The following POU6F2 variants were observed in gnomAD, a reference collection of about 807,000 sequenced individuals.
POU6F2 encodes the protein POU class 6 homeobox 2, also known as POU domain, class 6, transcription factor 2.
Under a neutral mutation model 71.3 loss-of-function variants are expected in POU6F2, and 31 were observed. The observed-to-expected ratio is 0.43, with a 90% confidence interval of 0.33 to 0.59. POU6F2 has a LOEUF of 0.59. POU6F2 is among the 20% of genes least tolerant of loss of function. The pLI, the probability that POU6F2 is intolerant of heterozygous loss-of-function variation, is 0.04. For synonymous variants in POU6F2, 347 were observed against 355.7 expected (o/e 0.98, Z 0.27); for missense variants, 783 against 856.8 (o/e 0.91, Z 1.07).
intron 2 of POU6F2, among the ~76,000 whole-genome samples, chr7:39,092,647 G>A (rs1043564463): frequency 3.3e-5 from 5 of 152,040 alleles, no homozygotes; most frequent in Admixed American, 2.6e-4. Flanking sequence ...TGATGAAGTC[G>A]ATTATTAAAC....
chr7:39,161,592 G>A (rs144165788), intron 2 of POU6F2, among the ~76,000 whole-genome samples: 1 of 152,166 alleles, frequency 6.6e-6, no homozygotes, highest in Non-Finnish European at 1.5e-5. Context: ...AGCTGACTTC[G>A]GAACGGCCCA....
At chr7:39,387,468 ACT>A (rs1459815220) in intron 5 of POU6F2, among the ~76,000 whole-genome samples, 6 of 152,252 alleles carry the variant, frequency 3.9e-5, no homozygotes, top group African/African-American at 1.4e-4. Flanking sequence ...GATTGAATGT[ACT>A]CTCTACAGTT....
chr7:39,452,963 G>A (rs1788697191), intron 8 of POU6F2, among the ~76,000 whole-genome samples: 1 of 152,146 alleles, frequency 6.6e-6, no homozygotes, highest in African/African-American at 2.4e-5. Context: ...GTGGTGGCAT[G>A]TGCCTGTAAT....
chr7:39,337,924 T>G (rs1785814130), intron 4 of POU6F2, among the ~76,000 whole-genome samples: 1 of 152,202 alleles, frequency 6.6e-6, no homozygotes, highest in South Asian at 2.1e-4. Context: ...CAAGGCTCAT[T>G]AGTAGGTTAG....
intron 4 of POU6F2, among the ~76,000 whole-genome samples, chr7:39,312,237 A>G (rs1374355397): frequency 6.6e-6 from 1 of 152,230 alleles, no homozygotes; most frequent in Non-Finnish European, 1.5e-5. Context: ...CAGCATGACA[A>G]AATAAGTTCT....
chr7:39,399,534 T>C (rs1221235952), intron 5 of POU6F2, among the ~76,000 whole-genome samples: 1 of 152,278 alleles, frequency 6.6e-6, no homozygotes, highest in East Asian at 1.9e-4. Context: ...AGGATACAAA[T>C]GAGTGATCAA....
At chr7:39,418,118 A>C (rs1001441216) in intron 6 of POU6F2, among the ~76,000 whole-genome samples, 1 of 152,216 alleles carries the variant, frequency 6.6e-6, no homozygotes, top group African/African-American at 2.4e-5. Context: ...ATTCAAACTC[A>C]GTTATGTCTA....
intron 1 of POU6F2, among the ~76,000 whole-genome samples, chr7:39,055,419 T>G (rs1290585068): frequency 1.3e-5 from 2 of 152,162 alleles, no homozygotes; most frequent in Non-Finnish European, 2.9e-5. Context: ...CTGCCAGACT[T>G]GATCTTATAA....
At position 39,085,964 on chromosome 7, in the gene POU6F2, G is replaced by A. The variant is rs1791234056; in HGVS notation, c.210G>A (p.Glu70=). ...GEDKAATSDS[E]LNEPLLAPVE... is the part of the protein sequence containing the mutation. ...ACAAGGCTGCTACTTCAGACAGCGA[G>A]CTGAATGAGCCCCTGCTTGCGCCTG... Residue 70 remains glutamate (E), a synonymous_variant, in exon 2 of 10, where the codon GAG becomes GAA. Transcript: ENST00000518318. The A allele has an allele frequency of 1.9e-6, 3 of 1,613,768 alleles. No homozygotes were observed. In the South Asian group the frequency reaches 3.3e-5, roughly 18 times the overall value.
At position 39,272,368 on chromosome 7, in the gene POU6F2, T is replaced by C. The variant is rs1368285581; in HGVS notation, c.598+64748T>C. Among the ~76,000 whole-genome samples the C allele has an allele frequency of 3.9e-5, 6 of 152,318 alleles. No homozygotes were observed. The East Asian group carries it at 5.8e-4, about 15-fold the overall frequency. On this transcript the variant is annotated intron_variant, in intron 4 of 9. Transcript: ENST00000518318. ...TCAGCCTGATCTGGCCTCCTCCCTC[T>C]GGACCAGGGGGCCTTTCTGTCCTTC...
chr7:39,448,428 T>C (rs985016861), intron 7 of POU6F2, among the ~76,000 whole-genome samples: 33 of 152,214 alleles, frequency 2.2e-4, no homozygotes, highest in African/African-American at 7.0e-4. Flanking sequence ...TTGGTTGAAC[T>C]CTAGAGGTAA....
chr7:39,339,688 C>T lies in POU6F2; in HGVS notation c.645C>T (p.Leu215=). ...NSQLQQLQLQ[L]QQQQQQQQQQ... ...AGCTCCAGCAGCTCCAGCTCCAGCT[C>T]CAGCAGCAGCAGCAGCAGCAGCAGC... The change falls in exon 5 of 10, where the codon CTC becomes CTT. Residue 215 remains leucine (L), a synonymous_variant. Coordinates refer to ENST00000518318, the MANE Select transcript of POU6F2 (RefSeq NM_001370959.1). The T allele has an allele frequency of 6.3e-7, 1 of 1,597,816 alleles. No individual in the cohort carries two copies. Among genetic ancestry groups the T allele is most frequent in the African/African-American group, 1.3e-5 (1 of 74,692 alleles).
intron 4 of POU6F2, among the ~76,000 whole-genome samples, chr7:39,231,868 C>T (rs532812091): frequency 4.6e-5 from 7 of 152,110 alleles, no homozygotes; most frequent in African/African-American, 1.7e-4. Context: ...TTTCTTGGAG[C>T]AGTTGAAATG....
intron 5 of POU6F2, among the ~76,000 whole-genome samples, chr7:39,390,475 C>G (rs191315018): frequency 1.3e-5 from 2 of 152,194 alleles, no homozygotes; most frequent in African/African-American, 4.8e-5. Flanking sequence ...TCTTAAAGCT[C>G]ATGCATCTCC....
Position 39,019,656 on chromosome 7 carries a change from T to C in POU6F2, c.105+41598T>C, listed in dbSNP as rs140456869. On this transcript the variant is annotated intron_variant, in intron 1 of 9. Transcript: ENST00000518318. ...GCATTTTCTTTCTTTTTTCTTTTTT[T>C]TTTTTTTTAAGATTCTGGAACGTTT... is the stretch of plus-strand genomic sequence containing the variant. Among the ~76,000 whole-genome samples, 74 of 151,732 alleles carry C rather than the reference T, an allele frequency of 4.9e-4. No homozygotes were observed. The East Asian group carries it at 0.012, about 24-fold the overall frequency.
intron 2 of POU6F2, among the ~76,000 whole-genome samples, chr7:39,147,953 G>A (rs1792655835): frequency 6.6e-6 from 1 of 152,190 alleles, no homozygotes. Context: ...TTCTAAAGTA[G>A]TTTTTAAATA....
intron 2 of POU6F2, among the ~76,000 whole-genome samples, chr7:39,096,982 A>G (rs562390173): frequency 5.0e-4 from 76 of 152,308 alleles, no homozygotes; most frequent in African/African-American, 1.8e-3. Context: ...TTTTTTAAAT[A>G]CTTTAAAAAT....
At chr7:39,117,765 G>T (rs550685986) in intron 2 of POU6F2, among the ~76,000 whole-genome samples, 1 of 152,282 alleles carries the variant, frequency 6.6e-6, no homozygotes, top group East Asian at 1.9e-4. Context: ...ATAAAAAGCA[G>T]TCAGAGCATG....
At chr7:39,208,640 T>C (rs964214506) in intron 4 of POU6F2, among the ~76,000 whole-genome samples, 5 of 152,212 alleles carry the variant, frequency 3.3e-5, no homozygotes, top group African/African-American at 1.2e-4. Flanking sequence ...ACCCCACCCA[T>C]TGTTGCCACT....
Sources: gnomAD v4.1 joint callset for allele counts (sites outside exome capture counted in the v4.1 genomes callset) on GRCh38, gnomAD v4.1.1 for gene constraint, MANE v1.5 for transcripts, NCBI Gene and HGNC (gene_info 2026-07-23, HGNC 2026-07-21) for gene names.